GREB1: variants seen among roughly 807,000 people sequenced by gnomAD.
The protein encoded by GREB1 is protein GREB1.
In GREB1, 106 loss-of-function variants were observed where a neutral mutation model predicts 200.7. The ratio of observed to expected loss-of-function variants is 0.53; its 90% CI spans 0.45 to 0.62. GREB1 has a LOEUF of 0.62. Ranked by LOEUF, GREB1 falls within the 20% of genes least tolerant of loss-of-function variation. GREB1 has a pLI of 0.00. For synonymous variants in GREB1, 1,132 were observed against 1,092.4 expected (o/e 1.04, Z -0.72); for missense variants, 2,243 against 2,556.8 (o/e 0.88, Z 2.65).
intron 1 of GREB1, among the ~76,000 whole-genome samples, chr2:11,487,711 G>C (rs567354190): frequency 6.6e-6 from 1 of 152,358 alleles, no homozygotes; most frequent in South Asian, 2.1e-4. Context: ...AGCTTCAGCA[G>C]TTGTCAAGAT....
At chr2:11,525,338 C>G (rs577029092) in intron 1 of GREB1, among the ~76,000 whole-genome samples, 150 of 151,930 alleles carry the variant, frequency 9.9e-4, no homozygotes, top group Non-Finnish European at 9.7e-4. Flanking sequence ...AACCCCATCT[C>G]TACTAAAAAT....
intron 23 of GREB1, among the ~76,000 whole-genome samples, chr2:11,623,016 G>A (rs969338890): frequency 6.6e-6 from 1 of 152,170 alleles, no homozygotes; most frequent in Admixed American, 6.5e-5. Context: ...AGCAGCCCAC[G>A]GACTCAATAA....
upstream of GREB1, among the ~76,000 whole-genome samples, chr2:11,531,226 A>G (rs1242168533): frequency 6.6e-6 from 1 of 152,156 alleles, no homozygotes; most frequent in African/African-American, 2.4e-5. Context: ...TGCTTGACGC[A>G]TACAAGCAGA....
intron 1 of GREB1, among the ~76,000 whole-genome samples, chr2:11,500,102 C>T (rs1324725180): frequency 6.6e-6 from 1 of 152,154 alleles, no homozygotes; most frequent in East Asian, 1.9e-4. Context: ...CTGCTTCAGC[C>T]TCCTGAGTAG....
chr2:11,583,727 T>C (rs1172540481), intron 7 of GREB1, among the ~76,000 whole-genome samples: 1 of 151,962 alleles, frequency 6.6e-6, no homozygotes, highest in Admixed American at 6.6e-5. Context: ...GGTGTGGTGG[T>C]GCGCGCTTGT....
chr2:11,592,187 CTTTTTTTTTTTTTTTT>C (rs1680792736), intron 10 of GREB1: 2 of 312,226 alleles, frequency 6.4e-6, no homozygotes, highest in Non-Finnish European at 8.6e-6. Flanking sequence ...TTTTTTTTTT[CTTTTTTTTTTTTTTTT>C]AACAACAGCA....
At chr2:11,577,856 A>G (rs1225092572) in intron 5 of GREB1, among the ~76,000 whole-genome samples, 1 of 152,146 alleles carries the variant, frequency 6.6e-6, no homozygotes, top group African/African-American at 2.4e-5. Context: ...CCCGTGTGGG[A>G]CCAGTTCACC....
At chr2:11,600,694 T>A in intron 15 of GREB1, 106 bp from the exon 16 acceptor site, 1 of 858,628 alleles carries the variant, frequency 1.2e-6, no homozygotes, top group Middle Eastern at 2.7e-4. Flanking sequence ...TAATCTTTAG[T>A]CGTTGGTAAA....
intron 1 of GREB1, among the ~76,000 whole-genome samples, chr2:11,502,191 G>C (rs6432209): frequency 2.0e-5 from 3 of 149,616 alleles, no homozygotes; most frequent in Admixed American, 1.3e-4. Flanking sequence ...TTCTGGGATC[G>C]CAGGCATGAA....
intron 4 of GREB1, among the ~76,000 whole-genome samples, chr2:11,573,060 C>CA (rs1399433550): frequency 6.6e-6 from 1 of 152,142 alleles, no homozygotes; most frequent in African/African-American, 2.4e-5. Context: ...AAGCAAAGCT[C>CA]AGAGGTGTTA....
At chr2:11,602,906 C>G (rs190001294) in intron 17 of GREB1, among the ~76,000 whole-genome samples, 2 of 152,314 alleles carry the variant, frequency 1.3e-5, no homozygotes, top group African/African-American at 4.8e-5. Context: ...CGATGCATAT[C>G]ATGTATTGAA....
rs116572212 is a variant in GREB1, at chr2:11,577,169, A to G, written c.637+634A>G. Among the ~76,000 whole-genome samples the G allele has an allele frequency of 5.3e-3, 807 of 152,316 alleles. 6 individuals carry two copies. The highest frequency in any genetic ancestry group is 0.018 in the African/African-American group (754 of 41,582). The stretch of plus-strand genomic sequence containing the variant: ...TGAGTGGTTCATCCAAGTGATCCTC[A>G]ACCATGGGTGACTTTTGTCCCCTAG... On this transcript the variant is annotated intron_variant, in intron 5 of 32. Coordinates refer to ENST00000381486, the MANE Select transcript of GREB1 (RefSeq NM_014668.4).
intron 1 of GREB1, among the ~76,000 whole-genome samples, chr2:11,552,701 A>C (rs1675980611): frequency 6.6e-6 from 1 of 152,202 alleles, no homozygotes; most frequent in Non-Finnish European, 1.5e-5. Context: ...GGTTGTGGCC[A>C]CAATGGAATA....
At chr2:11,487,669 A>G (rs1672685817) in intron 1 of GREB1, among the ~76,000 whole-genome samples, 2 of 152,266 alleles carry the variant, frequency 1.3e-5, no homozygotes, top group African/African-American at 2.4e-5. Flanking sequence ...GTGCAAAAAT[A>G]GAACGATTGT....
At position 11,637,840 on chromosome 2, in the gene GREB1, T is replaced by G. The variant is rs775555507; in HGVS notation, c.5471T>G (p.Leu1824Arg). 4 of 1,614,212 alleles carry G rather than the reference T, an allele frequency of 2.5e-6. No individual in the cohort carries two copies. Among genetic ancestry groups the G allele is most frequent in the Non-Finnish European group, 3.4e-6 (4 of 1,180,024 alleles). ...LEKFLQHHSH[L>R]FFPLSLKNHD... ...AAGTTCCTGCAGCACCACAGCCACC[T>G]CTTCTTCCCGCTGTCCCTGAAGAAC... Residue 1824 changes from leucine to arginine, a missense_variant, in exon 31 of 33, where the codon CTC becomes CGC. By Grantham distance (102) the Leu-to-Arg change is moderately radical (BLOSUM62 -2). Coordinates refer to ENST00000381486, the MANE Select transcript of GREB1 (RefSeq NM_014668.4).
At chr2:11,592,647 C>T (rs932875145) in intron 10 of GREB1, 129 bp from the exon 11 acceptor site, 9 of 578,388 alleles carry the variant, frequency 1.6e-5, no homozygotes, top group Non-Finnish European at 2.0e-5. Context: ...GCCCTCCCCT[C>T]GTGCTCCAGC....
Position 11,576,488 on chromosome 2 carries a change from C to A in GREB1, c.590C>A (p.Ala197Glu). The A allele has an allele frequency of 6.2e-7, 1 of 1,613,952 alleles. No homozygotes were observed. The highest frequency in any genetic ancestry group is 8.5e-7 in the Non-Finnish European group (1 of 1,179,902). ...TTGAAGTATTACCTGGTCCGTAATG[C>A]ACAAGGGACTCTAACCAAAGGACCT... ...KHLKYYLVRN[A>E]QGTLTKGPLI... Residue 197 changes from alanine (A) to glutamate (E), a missense_variant, in exon 5 of 33, where the codon GCA becomes GAA. Transcript: ENST00000381486.
chr2:11,560,279 A>G (rs1676872698), intron 2 of GREB1, among the ~76,000 whole-genome samples: 1 of 152,124 alleles, frequency 6.6e-6, no homozygotes, highest in African/African-American at 2.4e-5. Context: ...ATCTCTTTCT[A>G]CTACACATGA....
At chr2:11,500,459 ATTTT>A (rs5829310) in intron 1 of GREB1, among the ~76,000 whole-genome samples, 168 of 141,606 alleles carry the variant, frequency 1.2e-3, no homozygotes, top group African/African-American at 3.8e-3. Flanking sequence ...GTGCCTGGCC[ATTTT>A]TTTTTTTTTT....
Sources: allele counts gnomAD v4.1 joint callset (sites outside exome capture counted in the v4.1 genomes callset), GRCh38; gene constraint gnomAD v4.1.1; transcripts MANE v1.5; gene names NCBI Gene and HGNC (gene_info 2026-07-23, HGNC 2026-07-21).